CLSTN2: variants seen among roughly 807,000 people sequenced by gnomAD.
CLSTN2 encodes calsyntenin-2.
In CLSTN2, 48 loss-of-function variants were observed where a neutral mutation model predicts 101.2. The observed-to-expected ratio is 0.47, with a 90% CI of 0.38 to 0.60. The LOEUF (loss-of-function observed/expected upper bound fraction) is 0.60, where lower values mean the gene tolerates loss of function less well. Ranked by LOEUF, CLSTN2 falls within the 20% of genes least tolerant of loss-of-function variation. CLSTN2 has a pLI of 0.00. For missense variants in CLSTN2, 1,160 were observed against 1,238.2 expected (o/e 0.94, Z 0.95); for synonymous variants, 481 against 463.6 (o/e 1.04, Z -0.48).
intron 2 of CLSTN2, among the ~76,000 whole-genome samples, chr3:140,355,103 T>A (rs1459705705): frequency 2.0e-5 from 3 of 152,202 alleles, no homozygotes; most frequent in Non-Finnish European, 4.4e-5. Context: ...GAAGACCAGA[T>A]GAGCAGTTGT....
chr3:140,371,934 G>A (rs1309202561), intron 2 of CLSTN2, among the ~76,000 whole-genome samples: 1 of 152,170 alleles, frequency 6.6e-6, no homozygotes, highest in Admixed American at 6.5e-5. Flanking sequence ...ATGGGCTGTG[G>A]GAGGCCAGAG....
At chr3:140,465,878 T>C (rs1308495789) in intron 7 of CLSTN2, among the ~76,000 whole-genome samples, 2 of 152,158 alleles carry the variant, frequency 1.3e-5, no homozygotes, top group Non-Finnish European at 2.9e-5. Context: ...ATGTCTGGTG[T>C]GTTCGATAAT....
chr3:140,211,916 A>G (rs888294952), intron 2 of CLSTN2, among the ~76,000 whole-genome samples: 1 of 152,162 alleles, frequency 6.6e-6, no homozygotes, highest in African/African-American at 2.4e-5. Flanking sequence ...TTAAAGTGTA[A>G]TTTTGACTGT....
intron 2 of CLSTN2, among the ~76,000 whole-genome samples, chr3:140,289,375 G>A (rs1324542191): frequency 6.6e-5 from 10 of 151,824 alleles, no homozygotes; most frequent in Admixed American, 6.6e-4. Flanking sequence ...GGGGCGGGGA[G>A]AGGAGCTGTA....
At chr3:140,512,285 G>A (rs1282223459) in intron 8 of CLSTN2, among the ~76,000 whole-genome samples, 1 of 152,120 alleles carries the variant, frequency 6.6e-6, no homozygotes, top group East Asian at 1.9e-4. Flanking sequence ...TTATATTTAA[G>A]TCTTTAATTC....
At chr3:140,288,299 G>A (rs1031263323) in intron 2 of CLSTN2, among the ~76,000 whole-genome samples, 2 of 152,158 alleles carry the variant, frequency 1.3e-5, no homozygotes, top group Non-Finnish European at 2.9e-5. Context: ...ACAGACAGAA[G>A]GAAGAAAGAC....
At chr3:140,535,294 ATAT>A (rs890955356) in intron 9 of CLSTN2, among the ~76,000 whole-genome samples, 1 of 152,236 alleles carries the variant, frequency 6.6e-6, no homozygotes, top group African/African-American at 2.4e-5. Context: ...AGGGTGGGAA[ATAT>A]TATTTGTGGC....
chr3:140,069,818 G>A (rs1052722023), intron 1 of CLSTN2, among the ~76,000 whole-genome samples: 1 of 152,198 alleles, frequency 6.6e-6, no homozygotes, highest in Non-Finnish European at 1.5e-5. Context: ...GGGGGCACTG[G>A]CAGGAGATTA....
At chr3:140,553,878 T>G (rs1935752579) in intron 10 of CLSTN2, among the ~76,000 whole-genome samples, 1 of 152,142 alleles carries the variant, frequency 6.6e-6, no homozygotes, top group Non-Finnish European at 1.5e-5. Context: ...TGGTGAGTAC[T>G]GATAATGACT....
intron 8 of CLSTN2, chr3:140,508,499 G>A (rs1271628025): frequency 1.3e-5 from 2 of 152,330 alleles, no homozygotes; most frequent in East Asian, 1.9e-4. Flanking sequence ...TGCAGGAGGT[G>A]TTAGAACCCA....
intron 1 of CLSTN2, among the ~76,000 whole-genome samples, chr3:139,954,201 T>C (rs1935347418): frequency 6.6e-6 from 1 of 152,218 alleles, no homozygotes; most frequent in Non-Finnish European, 1.5e-5. Context: ...GACACTCTTC[T>C]GCATCTACCT....
intron 2 of CLSTN2, among the ~76,000 whole-genome samples, chr3:140,315,179 A>G (rs1443645837): frequency 6.6e-6 from 1 of 152,246 alleles, no homozygotes; most frequent in South Asian, 2.1e-4. Flanking sequence ...AAATCTGCAC[A>G]TGCACCAACC....
intron 1 of CLSTN2, among the ~76,000 whole-genome samples, chr3:139,986,636 T>G (rs971412269): frequency 1.3e-5 from 2 of 152,214 alleles, no homozygotes; most frequent in Non-Finnish European, 2.9e-5. Context: ...CTCTGTTGCT[T>G]TTGGTGAGGT....
At chr3:140,310,575 C>A (rs1206573889) in intron 2 of CLSTN2, among the ~76,000 whole-genome samples, 4 of 152,160 alleles carry the variant, frequency 2.6e-5, no homozygotes, top group African/African-American at 9.7e-5. Flanking sequence ...CCACTCGCCT[C>A]AGTCAGGGTG....
At chr3:140,476,825 A>G (rs1197931183) in intron 8 of CLSTN2, among the ~76,000 whole-genome samples, 2 of 151,678 alleles carry the variant, frequency 1.3e-5, no homozygotes, top group Non-Finnish European at 2.9e-5. Context: ...TGCCCAGCTA[A>G]TTTTTTTGTA....
At chr3:140,392,789 C>T (rs553277054) in intron 2 of CLSTN2, among the ~76,000 whole-genome samples, 284 of 151,924 alleles carry the variant, frequency 1.9e-3, no homozygotes, top group Non-Finnish European at 3.5e-3. Context: ...AGTCTGATTT[C>T]CTGGTGTTTA....
At chr3:140,152,677 G>C (rs2009886364) in intron 1 of CLSTN2, among the ~76,000 whole-genome samples, 1 of 152,160 alleles carries the variant, frequency 6.6e-6, no homozygotes, top group Non-Finnish European at 1.5e-5. Flanking sequence ...GGTAGGAGCT[G>C]TTTTGGAAGT....
intron 2 of CLSTN2, among the ~76,000 whole-genome samples, chr3:140,266,042 C>A (rs1410573481): frequency 2.0e-5 from 3 of 152,168 alleles, no homozygotes; most frequent in African/African-American, 7.2e-5. Flanking sequence ...CCTAACAAAC[C>A]TTCCAGTACT....
chr3:140,418,934 G>A (rs1429750948), intron 4 of CLSTN2, among the ~76,000 whole-genome samples: 1 of 151,788 alleles, frequency 6.6e-6, no homozygotes, highest in Non-Finnish European at 1.5e-5. Context: ...CCCATTTCCT[G>A]CTCCTTCCAC....
Sources: allele counts gnomAD v4.1 joint callset (sites outside exome capture counted in the v4.1 genomes callset), GRCh38; gene constraint gnomAD v4.1.1; transcripts MANE v1.5; gene names NCBI Gene and HGNC (gene_info 2026-07-23, HGNC 2026-07-21).